The following BDP1 variants were observed in gnomAD, a reference collection of about 807,000 sequenced individuals.
BDP1 encodes the protein transcription factor TFIIIB component B'' homolog.
In BDP1, 169 loss-of-function variants were observed where a neutral mutation model predicts 266.6. The ratio of observed to expected loss-of-function variants is 0.63; its 90% CI spans 0.56 to 0.72. The LOEUF (loss-of-function observed/expected upper bound fraction) is 0.72. Among genes scored for constraint, BDP1 ranks in the 30% least tolerant of loss-of-function variants. The pLI is 0.00. For missense variants in BDP1, 3,015 were observed against 3,053.8 expected (o/e 0.99, Z 0.30); for synonymous variants, 1,090 against 1,022.4 (o/e 1.07, Z -1.26).
Position 71,562,914 on chromosome 5 carries a change from A to G in BDP1, c.7743+394A>G, listed in dbSNP as rs965064872. 9 of 1,273,802 alleles carry G rather than the reference A, an allele frequency of 7.1e-6. No individual in the cohort carries two copies. In the Admixed American group the frequency reaches 1.5e-4, roughly 21 times the overall value. The allele number at this position is 1,273,802 out of a possible 1,614,324, so 78.9% of individuals were successfully genotyped here. A position where few individuals can be genotyped will look rare whatever the true frequency, so the allele number is the denominator to read the frequency against. On this transcript the variant is annotated intron_variant, in intron 38 of 38. Transcript: ENST00000358731. ...TCCAATGGCAAGTATTGGGATGGAA[A>G]ACTCTGTAAACCTGTATCAAAGACT... is the stretch of plus-strand genomic sequence containing the variant.
At position 71,548,763 on chromosome 5, in the gene BDP1, A is replaced by C; in HGVS notation, c.6808+18A>C. 1 of 1,521,742 alleles carries C rather than the reference A, an allele frequency of 6.6e-7. No homozygotes were observed. The highest frequency in any genetic ancestry group is 1.2e-5 in the South Asian group (1 of 86,824). 94.3% of individuals were successfully genotyped at this position (1,521,742 alleles called of 1,614,324 possible). A position where few individuals can be genotyped will look rare whatever the true frequency, so the allele number is the denominator to read the frequency against. ...CCTAACAGGTATGATAATATGCTTC[A>C]GTGACATGTCATAGAACTTAGTTGT... On this transcript the variant is annotated intron_variant, in intron 33 of 38. Transcript: ENST00000358731.
chr5:71,462,562 C>T (rs889604523), intron 3 of BDP1, among the ~76,000 whole-genome samples: 17 of 151,172 alleles, frequency 1.1e-4, no homozygotes, highest in East Asian at 7.9e-4. Flanking sequence ...GAGACCAGCC[C>T]GGGCAACATG....
At position 71,489,824 on chromosome 5, in the gene BDP1, G is replaced by A. The variant is rs144977849; in HGVS notation, c.1492+142G>A. 850 of 591,104 alleles carry A rather than the reference G, an allele frequency of 1.4e-3. 11 individuals are homozygous for A. Among genetic ancestry groups the A allele is most frequent in the African/African-American group, 0.014 (747 of 52,074 alleles). The allele number at this position is 591,104 out of a possible 1,614,324, so 36.6% of individuals were successfully genotyped here. ...TCTGTACTAATGGTACTGTGCTAACGCTGTTTATTTTTAATTAAAAAAGTT... is the reference window on the plus strand; with the variant it reads ...TCTGTACTAATGGTACTGTGCTAACACTGTTTATTTTTAATTAAAAAAGTT... On this transcript the variant is annotated intron_variant, in intron 10 of 38. Coordinates refer to ENST00000358731, the MANE Select transcript of BDP1 (RefSeq NM_018429.3).
At chr5:71,530,550 T>C (rs1242679267) in intron 25 of BDP1, among the ~76,000 whole-genome samples, 4 of 152,024 alleles carry the variant, frequency 2.6e-5, no homozygotes, top group African/African-American at 9.7e-5. Flanking sequence ...GGCCTATTGT[T>C]TTTAAATTCA....
chr5:71,507,030 C>T (rs920567254), intron 16 of BDP1, among the ~76,000 whole-genome samples: 8 of 152,082 alleles, frequency 5.3e-5, no homozygotes, highest in Admixed American at 3.3e-4. Context: ...CCATGTTGCC[C>T]AGGCTGGTCT....
At chr5:71,481,842 C>G (rs1479342824) in intron 7 of BDP1, among the ~76,000 whole-genome samples, 1 of 152,138 alleles carries the variant, frequency 6.6e-6, no homozygotes, top group Admixed American at 6.5e-5. Flanking sequence ...TATACTAATA[C>G]TATACTATTA....
At chr5:71,502,869 A>G (rs1160591992) in intron 15 of BDP1, 78 bp downstream of exon 15, 2 of 990,060 alleles carry the variant, frequency 2.0e-6, no homozygotes, top group African/African-American at 1.6e-5. Flanking sequence ...TCACCCACAT[A>G]CTTACATACA....
chr5:71,496,701 G>GCCTC (rs1763917511), intron 12 of BDP1, among the ~76,000 whole-genome samples: 3 of 152,172 alleles, frequency 2.0e-5, no homozygotes, highest in African/African-American at 7.2e-5. Flanking sequence ...ACCTGCCTCA[G>GCCTC]CCTCCCAAGT....
chr5:71,459,244 G>T (rs959558350), intron 2 of BDP1, among the ~76,000 whole-genome samples: 1 of 152,224 alleles, frequency 6.6e-6, no homozygotes, highest in Admixed American at 6.5e-5. Context: ...GGGCGTGGTG[G>T]CTCATGCCTG....
At chr5:71,552,638 C>T (rs1200084367) in intron 34 of BDP1, among the ~76,000 whole-genome samples, 1 of 152,248 alleles carries the variant, frequency 6.6e-6, no homozygotes, top group Non-Finnish European at 1.5e-5. Context: ...GCCAACACAG[C>T]GAAACCCCGT....
Position 71,553,298 on chromosome 5 carries a change from A to G in BDP1, c.7178A>G (p.Asp2393Gly). ...AKKRSLTLRDDCQEYTTEVHS... is the reference protein window; with the variant it reads ...AKKRSLTLRDGCQEYTTEVHS... ...AAACGTTCACTCACTTTAAGAGATG[A>G]CTGTCAAGAATATACCACTGAGGTA... The change falls in exon 35 of 39, where the codon GAC (aspartate) becomes GGC (glycine). Residue 2393 changes from aspartate to glycine, a missense_variant. By Grantham distance (94) the Asp-to-Gly change is moderately conservative. This residue lies in a region of BDP1 where 629 missense variants were observed against 632.5 expected (regional missense o/e 0.99). Transcript: ENST00000358731. 1 of 1,612,724 alleles carries G rather than the reference A, an allele frequency of 6.2e-7. No homozygotes were observed. The highest frequency in any genetic ancestry group is 1.3e-5 in the African/African-American group (1 of 75,008).
At chr5:71,456,234 A>C in intron 1 of BDP1, 145 bp downstream of exon 1, 2 of 755,294 alleles carry the variant, frequency 2.6e-6, no homozygotes, top group Non-Finnish European at 4.2e-6. Flanking sequence ...ACCACTCCAA[A>C]CTGCAGTTTA....
rs1222896784 is a variant in BDP1 at position 71,545,138 on chromosome 5, G to A, written c.6663G>A (p.Arg2221=). 6.2e-7 allele frequency: 1 copy of A among 1,613,708 alleles called. No individual in the cohort carries two copies. Among genetic ancestry groups the A allele is most frequent in the Non-Finnish European group, 8.5e-7 (1 of 1,179,924 alleles). ...ETGPCTLGLD[R]GLGENSVEEP... ...GGCCCTGCACACTTGGTTTGGATAG[G>A]GGTCTTGGTGAAAATTCTGTTGAAG... Residue 2221 remains arginine, a synonymous_variant, in exon 32 of 39, where the codon AGG becomes AGA. Coordinates refer to ENST00000358731, the MANE Select transcript of BDP1 (RefSeq NM_018429.3).
At chr5:71,563,196 G>A (rs1024568616) in intron 38 of BDP1, among the ~76,000 whole-genome samples, 2 of 152,152 alleles carry the variant, frequency 1.3e-5, no homozygotes, top group African/African-American at 2.4e-5. Context: ...CACCCAGGCT[G>A]TAGTGCAGTG....
intron 15 of BDP1, among the ~76,000 whole-genome samples, chr5:71,504,267 C>T (rs914985522): frequency 5.4e-5 from 7 of 128,544 alleles, no homozygotes; most frequent in East Asian, 2.1e-4. Flanking sequence ...AGCAAGACTC[C>T]GTCTCAAAAA....
intron 16 of BDP1, among the ~76,000 whole-genome samples, chr5:71,506,425 C>A (rs187070926): frequency 6.6e-6 from 1 of 152,126 alleles, no homozygotes; most frequent in East Asian, 1.9e-4. Flanking sequence ...ATATGTTGGC[C>A]TGTTCAAGAT....
intron 15 of BDP1, among the ~76,000 whole-genome samples, chr5:71,504,153 G>C (rs972734078): frequency 2.0e-5 from 3 of 151,468 alleles, no homozygotes; most frequent in Non-Finnish European, 4.4e-5. Context: ...GACGCCTGTA[G>C]TCCTAGCTAC....
chr5:71,555,806 C>A (rs192017870), intron 35 of BDP1, among the ~76,000 whole-genome samples: 1 of 152,144 alleles, frequency 6.6e-6, no homozygotes, highest in African/African-American at 2.4e-5. Flanking sequence ...CAAACCCATA[C>A]AATTTTCTTC....
intron 6 of BDP1, among the ~76,000 whole-genome samples, chr5:71,468,121 C>T (rs1449216703): frequency 7.2e-5 from 11 of 152,020 alleles, no homozygotes; most frequent in African/African-American, 1.7e-4. Flanking sequence ...TGGGTTCAAG[C>T]GATTCTCCTG....
Sources: gnomAD v4.1 joint callset for allele counts (sites outside exome capture counted in the v4.1 genomes callset) on GRCh38, gnomAD v4.1.1 for gene constraint, gnomAD v4.1.1 regional missense constraint, MANE v1.5 for transcripts, NCBI Gene and HGNC (gene_info 2026-07-23, HGNC 2026-07-21) for gene names.